The following CDC14A variants were observed in gnomAD, a reference collection of about 807,000 sequenced individuals.
CDC14A encodes dual specificity protein phosphatase CDC14A.
CDC14A carries 53 observed loss-of-function variants against 74.4 expected under a neutral mutation model. That is an observed-to-expected ratio of 0.71 (90% CI 0.57 to 0.89). The LOEUF is 0.89. Ranked by LOEUF, CDC14A falls within the 40% of genes least tolerant of loss-of-function variation. The probability of loss-of-function intolerance (pLI) is 0.00; values close to 1 mark genes in which losing one functional copy is unlikely to be tolerated. For synonymous variants in CDC14A, 247 were observed against 258.4 expected, an observed-to-expected ratio of 0.96 and a Z score of 0.43; for missense variants, 646 against 713.7, an observed-to-expected ratio of 0.91 and a Z score of 1.08.
At position 100,368,795 on chromosome 1, in the gene CDC14A, G is replaced by A. The variant is rs561978061; in HGVS notation, c.141-8751G>A. On this transcript the variant is annotated intron_variant, in intron 2 of 15. Coordinates refer to ENST00000336454, the MANE Select transcript of CDC14A (RefSeq NM_003672.4). ...GTCTATTGTTGCCATCTTTTTGTCC[G>A]TGAGTAGTCAATTGTGTAGTTCCCA... Among the ~76,000 whole-genome samples, 8 of 152,024 alleles carry A rather than the reference G, an allele frequency of 5.3e-5. No individual in the cohort carries two copies. The South Asian group carries it at 1.0e-3, about 20-fold the overall frequency.
intron 3 of CDC14A, among the ~76,000 whole-genome samples, chr1:100,385,580 C>T (rs1338340141): frequency 6.6e-6 from 1 of 152,152 alleles, no homozygotes; most frequent in Non-Finnish European, 1.5e-5. Flanking sequence ...AAGATTTACA[C>T]AAATTATCAG....
chr1:100,357,230 G>A (rs936207183), intron 2 of CDC14A, among the ~76,000 whole-genome samples: 8 of 152,172 alleles, frequency 5.3e-5, no homozygotes, highest in African/African-American at 1.7e-4. Context: ...GACTAATAAA[G>A]CTGTGAGAAT....
intron 7 of CDC14A, 77 bp downstream of exon 7, chr1:100,443,073 G>T: frequency 1.1e-6 from 1 of 940,844 alleles, no homozygotes; most frequent in Non-Finnish European, 1.7e-6. Flanking sequence ...CTCATGTATT[G>T]CAAATCGAGT....
At chr1:100,351,697 GCATCTGTGAT>G, upstream of CDC14A, 1 of 1,505,008 alleles carries the variant, frequency 6.6e-7, no homozygotes, top group Non-Finnish European at 9.0e-7. Flanking sequence ...TAAAGATTAG[GCATCTGTGAT>G]GCTTTTGCGC....
intron 2 of CDC14A, among the ~76,000 whole-genome samples, chr1:100,358,676 AT>A (rs1652253641): frequency 6.6e-6 from 1 of 152,278 alleles, no homozygotes; most frequent in African/African-American, 2.4e-5. Flanking sequence ...GATTTAAATA[AT>A]TTAAAACATT....
chr1:100,476,523 G>T (rs1043239658), intron 10 of CDC14A, among the ~76,000 whole-genome samples: 1 of 151,992 alleles, frequency 6.6e-6, no homozygotes, highest in Non-Finnish European at 1.5e-5. Flanking sequence ...AAGGCAAAAG[G>T]AAAACTCGAG....
intron 7 of CDC14A, among the ~76,000 whole-genome samples, chr1:100,444,654 G>A (rs898478060): frequency 2.0e-5 from 3 of 151,980 alleles, no homozygotes; most frequent in Admixed American, 6.6e-5. Context: ...CCTCCATTTC[G>A]TTTGTGTTAA....
chr1:100,393,298 C>A, intron 4 of CDC14A: 1 of 1,202,590 alleles, frequency 8.3e-7, no homozygotes, highest in Non-Finnish European at 1.2e-6. Flanking sequence ...TCATTGTATA[C>A]TTTCCAGGCA....
chr1:100,375,732 C>T (rs563089935), intron 2 of CDC14A, among the ~76,000 whole-genome samples: 1 of 152,204 alleles, frequency 6.6e-6, no homozygotes, highest in Non-Finnish European at 1.5e-5. Context: ...TTGTGGAAGA[C>T]AGTGTGGCGA....
At chr1:100,421,164 A>G (rs1003681833) in intron 4 of CDC14A, among the ~76,000 whole-genome samples, 1 of 152,158 alleles carries the variant, frequency 6.6e-6, no homozygotes, top group African/African-American at 2.4e-5. Flanking sequence ...GTTTGGGGAA[A>G]GTTCTGGTTT....
In CDC14A at chr1:100,484,449, G is replaced by A. The variant is rs1257907776; in HGVS notation, c.1135G>A (p.Glu379Lys). The A allele has an allele frequency of 2.5e-6, 4 of 1,597,512 alleles. No individual in the cohort carries two copies. Among genetic ancestry groups the A allele is most frequent in the African/African-American group, 2.7e-5 (2 of 73,816 alleles). The change falls in exon 11 of 16, where the codon GAG (glutamate) becomes AAG (lysine). Residue 379 changes from glutamate (E) to lysine (K), a missense_variant and splice_region_variant. Transcript: ENST00000336454. ...AACACAAAACATGGAACGATTTGGA[G>A]AGGTAAGTTTTCCCTAGGAGATTCT... ...SKTQNMERFG[E>K]DNLEDDDVEM...
chr1:100,450,983 ATAATGTGC>A (rs1002321977), intron 7 of CDC14A, among the ~76,000 whole-genome samples: 10 of 152,156 alleles, frequency 6.6e-5, no homozygotes, highest in Non-Finnish European at 1.3e-4. Flanking sequence ...TCCCTGATTT[ATAATGTGC>A]TGTCTTTTGG....
intron 3 of CDC14A, among the ~76,000 whole-genome samples, chr1:100,386,560 C>T (rs148722977): frequency 1.3e-5 from 2 of 152,018 alleles, no homozygotes; most frequent in African/African-American, 4.8e-5. Context: ...CTTTGGGAGG[C>T]TGGGGTGAGC....
intron 4 of CDC14A, among the ~76,000 whole-genome samples, chr1:100,420,082 A>ATATATATATAGTGT (rs58124351): frequency 9.5e-6 from 1 of 105,526 alleles, no homozygotes; most frequent in Admixed American, 9.7e-5. Flanking sequence ...ATATATATAT[A>ATATATATATAGTGT]GTGTGTATGT....
chr1:100,410,528 C>T (rs1192798264), intron 4 of CDC14A, among the ~76,000 whole-genome samples: 1 of 152,122 alleles, frequency 6.6e-6, no homozygotes, highest in Non-Finnish European at 1.5e-5. Flanking sequence ...CCATGTTGGC[C>T]AGGCTGGTCT....
chr1:100,462,645 C>G lies in CDC14A; in HGVS notation c.608-6C>G. 1 of 1,611,004 alleles carries G rather than the reference C, an allele frequency of 6.2e-7. No homozygotes were observed. Among genetic ancestry groups the G allele is most frequent in the Non-Finnish European group, 8.5e-7 (1 of 1,177,298 alleles). ...CCTTTTGCTTACTGCTCCTTTGTTC[C>G]TTTAGGTTATCCTCTTCACGCCCCT... is the stretch of plus-strand genomic sequence containing the variant. On this transcript the variant is annotated splice_region_variant and splice_polypyrimidine_tract_variant and intron_variant, in intron 8 of 15. Coordinates refer to ENST00000336454, the MANE Select transcript of CDC14A (RefSeq NM_003672.4).
intron 4 of CDC14A, among the ~76,000 whole-genome samples, chr1:100,406,390 C>A (rs1659952531): frequency 6.6e-6 from 1 of 152,142 alleles, no homozygotes; most frequent in East Asian, 1.9e-4. Flanking sequence ...TCAATTAGAT[C>A]CCATTTGTCA....
intron 9 of CDC14A, among the ~76,000 whole-genome samples, chr1:100,464,790 C>A (rs1446300033): frequency 6.6e-6 from 1 of 152,088 alleles, no homozygotes; most frequent in Admixed American, 6.5e-5. Flanking sequence ...ACCTGAGAGA[C>A]CTTGTGCAAA....
At chr1:100,356,442 A>G (rs1651889629) in intron 2 of CDC14A, among the ~76,000 whole-genome samples, 1 of 152,114 alleles carries the variant, frequency 6.6e-6, no homozygotes, top group Non-Finnish European at 1.5e-5. Context: ...AAGTAAAAGT[A>G]GCAGAGCTGG....
Sources: allele counts gnomAD v4.1 joint callset (sites outside exome capture counted in the v4.1 genomes callset), GRCh38; gene constraint gnomAD v4.1.1; transcripts MANE v1.5; gene names NCBI Gene and HGNC (gene_info 2026-07-23, HGNC 2026-07-21).